The following ATP1B1 variants were observed in gnomAD, a reference collection of about 807,000 sequenced individuals.
The protein encoded by ATP1B1 is sodium/potassium-transporting ATPase subunit beta-1.
In ATP1B1, 3 loss-of-function variants were observed where a neutral mutation model predicts 39.6. The ratio of observed to expected loss-of-function variants is 0.08; its 90% CI spans 0.03 to 0.20. The LOEUF is 0.20. Ranked by LOEUF, ATP1B1 falls within the 10% of genes least tolerant of loss-of-function variation. The pLI, the probability that ATP1B1 is intolerant of heterozygous loss-of-function variation, is 1.00. For synonymous variants in ATP1B1, 139 were observed against 135.0 expected (o/e 1.03, Z -0.20); for missense variants, 216 against 371.1 (o/e 0.58, Z 3.43).
chr1:169,112,444 G>A (rs544769146), intron 2 of ATP1B1, among the ~76,000 whole-genome samples: 4 of 152,354 alleles, frequency 2.6e-5, no homozygotes, highest in African/African-American at 9.6e-5. Context: ...ACTTACGAAT[G>A]ACCTTGAAGC....
In ATP1B1 at chr1:169,106,808, C is replaced by T. The variant is rs765366631; in HGVS notation, c.-22C>T. 7.0e-6 allele frequency: 11 copies of T among 1,563,102 alleles called. No individual in the cohort carries two copies. The Admixed American group carries it at 2.0e-4, about 29-fold the overall frequency. On this transcript the variant is annotated 5_prime_UTR_variant, in exon 1 of 6. Coordinates refer to ENST00000367815, the MANE Select transcript of ATP1B1 (RefSeq NM_001677.4). ...CAGCCACCCACCCTCCGGACCGCGG[C>T]AGCTGCTGACCCGCCATCGCCATGG...
chr1:169,125,138 G>A, intron 3 of ATP1B1, 99 bp downstream of exon 3: 1 of 1,398,300 alleles, frequency 7.2e-7, no homozygotes, highest in Non-Finnish European at 9.6e-7. Flanking sequence ...AGATAATCCT[G>A]AAATAATGAA....
rs1052493593 is a variant in ATP1B1 at position 169,124,600 on chromosome 1, A to G, written c.227-284A>G. ...CTTTCTGTGCAGCCTTGGCCCAGGT[A>G]GTTAATCTTTCAGTGCAAGCAGTGT... On this transcript the variant is annotated intron_variant, in intron 2 of 5. Coordinates refer to ENST00000367815, the MANE Select transcript of ATP1B1 (RefSeq NM_001677.4). Among the ~76,000 whole-genome samples the G allele has an allele frequency of 2.0e-5, 3 of 152,198 alleles. No individual in the cohort carries two copies. In the East Asian group the frequency reaches 5.8e-4, roughly 29 times the overall value.
At chr1:169,121,966 G>C (rs1468896142) in intron 2 of ATP1B1, among the ~76,000 whole-genome samples, 1 of 151,786 alleles carries the variant, frequency 6.6e-6, no homozygotes, top group Non-Finnish European at 1.5e-5. Flanking sequence ...CTTGGTTTCT[G>C]ACATTTGCTC....
chr1:169,114,868 C>A (rs1200143), intron 2 of ATP1B1, among the ~76,000 whole-genome samples: 28 of 151,312 alleles, frequency 1.9e-4, no homozygotes, highest in Admixed American at 2.6e-4. Flanking sequence ...CACACACACA[C>A]AAAAAATTTT....
At chr1:169,110,303 T>C (rs1320216341) in intron 1 of ATP1B1, among the ~76,000 whole-genome samples, 1 of 152,170 alleles carries the variant, frequency 6.6e-6, no homozygotes, top group Non-Finnish European at 1.5e-5. Context: ...TTCAGTGGCT[T>C]TTCTCCAAGT....
At chr1:169,113,447 T>TA (rs531680767) in intron 2 of ATP1B1, among the ~76,000 whole-genome samples, 22 of 147,238 alleles carry the variant, frequency 1.5e-4, no homozygotes, top group South Asian at 2.1e-4. Flanking sequence ...TTTCCTAGAT[T>TA]AAAAAAAAAA....
At chr1:169,118,964 A>C (rs979352008) in intron 2 of ATP1B1, among the ~76,000 whole-genome samples, 3 of 152,224 alleles carry the variant, frequency 2.0e-5, no homozygotes, top group African/African-American at 7.2e-5. Flanking sequence ...AAATGGCTAC[A>C]TTCTAGTTTA....
chr1:169,132,019 A>ATTTTT lies in ATP1B1; in HGVS notation c.*482_*486dup, dbSNP rs34447553. ...CAACGGGAATAAAACTGGCATGGTA[A>ATTTTT]TTTTTTTTTTTTTTTTTTTTTTGTT... On this transcript the variant is annotated 3_prime_UTR_variant, in exon 6 of 6. Transcript: ENST00000367815. 58 of 190,920 alleles carry ATTTTT rather than the reference A, an allele frequency of 3.0e-4. 1 individual carries two copies. The highest frequency in any genetic ancestry group is 2.7e-3 in the East Asian group (12 of 4,410). The allele number at this position is 190,920 out of a possible 1,614,324, so 11.8% of individuals were successfully genotyped here.
intron 1 of ATP1B1, among the ~76,000 whole-genome samples, chr1:169,107,710 T>G (rs1202272280): frequency 6.6e-6 from 1 of 152,128 alleles, no homozygotes; most frequent in Admixed American, 6.5e-5. Context: ...ATAGACTTTT[T>G]TCCATCGAAA....
chr1:169,122,746 ATTT>A (rs753882699), intron 2 of ATP1B1, among the ~76,000 whole-genome samples: 6,003 of 82,352 alleles, frequency 0.073, 831 homozygotes, highest in East Asian at 0.59. Flanking sequence ...TTTCAGGATG[ATTT>A]TTTTTTTTTT....
intron 1 of ATP1B1, chr1:169,108,041 C>T (rs1347580418): frequency 6.6e-6 from 1 of 151,828 alleles, no homozygotes; most frequent in African/African-American, 2.4e-5. Flanking sequence ...GGAAATAGTG[C>T]TTAGCTGACA....
At chr1:169,122,746 ATTTTTTTTTT>A (rs753882699) in intron 2 of ATP1B1, among the ~76,000 whole-genome samples, 1 of 82,378 alleles carries the variant, frequency 1.2e-5, no homozygotes, top group African/African-American at 4.3e-5. Flanking sequence ...TTTCAGGATG[ATTTTTTTTTT>A]TTTTTTTTTT....
chr1:169,115,598 C>G (rs1341529316), intron 2 of ATP1B1, among the ~76,000 whole-genome samples: 1 of 152,116 alleles, frequency 6.6e-6, no homozygotes, highest in Non-Finnish European at 1.5e-5. Context: ...ATCCACCCGC[C>G]TCAGCCTCCC....
rs778102602 is a variant in ATP1B1, at chr1:169,111,392, A to G, written c.120A>G (p.Val40=). The G allele has an allele frequency of 3.1e-6, 5 of 1,614,180 alleles. No individual in the cohort carries two copies. The highest frequency in any genetic ancestry group is 4.2e-6 in the Non-Finnish European group (5 of 1,180,036). ...GSWFKILLFY[V]IFYGCLAGIF... Reference sequence around the variant, plus strand: ...CAGTTAAGATCCTTCTATTCTACGTAATATTTTATGGCTGCCTGGCTGGCA... The same window carrying G: ...CAGTTAAGATCCTTCTATTCTACGTGATATTTTATGGCTGCCTGGCTGGCA... The change falls in exon 2 of 6, where the codon GTA becomes GTG. Residue 40 remains valine (V), a synonymous_variant. Coordinates refer to ENST00000367815, the MANE Select transcript of ATP1B1 (RefSeq NM_001677.4).
chr1:169,124,838 T>A, intron 2 of ATP1B1, 46 bp from the exon 3 acceptor site: 1 of 1,589,152 alleles, frequency 6.3e-7, no homozygotes, highest in Non-Finnish European at 8.6e-7. Context: ...TTGAATTGTC[T>A]TCGTTTCTGC....
At position 169,127,481 on chromosome 1, in the gene ATP1B1, A is replaced by G. The variant is rs1658112827; in HGVS notation, c.567+73A>G. ...AGTACTTAATTGATCTGAGAAGACA[A>G]TGTAAGATAGTTTTAAAGTATACTC... On this transcript the variant is annotated intron_variant, in intron 4 of 5. Transcript: ENST00000367815. 1.3e-5 allele frequency: 20 copies of G among 1,489,730 alleles called. No individual in the cohort carries two copies. The South Asian group carries it at 2.5e-4, about 18-fold the overall frequency. 92.3% of individuals were successfully genotyped at this position (1,489,730 alleles called of 1,614,324 possible).
chr1:169,108,024 GA>G (rs1164995616), intron 1 of ATP1B1: 7 of 152,064 alleles, frequency 4.6e-5, no homozygotes, highest in Admixed American at 4.6e-4. Flanking sequence ...GCAGGAGAAT[GA>G]GTCAGGGAAA....
chr1:169,117,846 C>A (rs1355674970), intron 2 of ATP1B1, among the ~76,000 whole-genome samples: 1 of 152,194 alleles, frequency 6.6e-6, no homozygotes, highest in Non-Finnish European at 1.5e-5. Flanking sequence ...CCAGCTTTTT[C>A]CCACATACAT....
Sources: allele counts gnomAD v4.1 joint callset (sites outside exome capture counted in the v4.1 genomes callset), GRCh38; gene constraint gnomAD v4.1.1; transcripts MANE v1.5; gene names NCBI Gene and HGNC (gene_info 2026-07-23, HGNC 2026-07-21).